Variants in WWOX observed in about 807,000 individuals in gnomAD.
The protein encoded by WWOX is WW domain containing oxidoreductase.
Under a neutral mutation model 46.2 loss-of-function variants are expected in WWOX, and 69 were observed. The ratio of observed to expected loss-of-function variants is 1.49; its 90% CI spans 1.23 to 1.82. WWOX has a LOEUF of 1.82. Among genes scored for constraint, WWOX ranks in the 40% most tolerant of loss-of-function variants. The pLI, the probability that WWOX is intolerant of heterozygous loss-of-function variation, is 0.00. For missense variants in WWOX, 919 were observed against 542.6 expected (o/e 1.69, Z -6.89); for synonymous variants, 359 against 202.6 (o/e 1.77, Z -6.56).
intron 5 of WWOX, among the ~76,000 whole-genome samples, chr16:78,232,944 C>G (rs1023697138): frequency 1.3e-5 from 2 of 152,052 alleles, no homozygotes; most frequent in East Asian, 3.9e-4. Context: ...TGGGTTCAAG[C>G]AATTCTCCTG....
rs193160203 is a variant in WWOX at position 78,507,840 on chromosome 16, C to T, written c.1056+75088C>T. 4.6e-5 allele frequency among the ~76,000 whole-genome samples: 7 copies of T among 152,292 alleles called. No homozygotes were observed. In the East Asian group the frequency reaches 1.4e-3, roughly 29 times the overall value. On this transcript the variant is annotated intron_variant, in intron 8 of 8. Transcript: ENST00000566780. ...TCCTCCGAATTCGCACCTGTTCAGA[C>T]AAGCTTGTCCAACCCATGGCCCCCG...
At chr16:78,900,936 C>G (rs1220207933) in intron 8 of WWOX, among the ~76,000 whole-genome samples, 1 of 151,790 alleles carries the variant, frequency 6.6e-6, no homozygotes, top group Non-Finnish European at 1.5e-5. Context: ...GTTCTATTCC[C>G]AAGAAGAGCA....
chr16:78,488,278 AT>A (rs2084689191), intron 8 of WWOX, among the ~76,000 whole-genome samples: 1 of 152,118 alleles, frequency 6.6e-6, no homozygotes, highest in South Asian at 2.1e-4. Flanking sequence ...TTTCAGGATT[AT>A]TCTGTGAGTC....
chr16:78,818,818 G>A (rs2051415479), intron 8 of WWOX, among the ~76,000 whole-genome samples: 1 of 152,170 alleles, frequency 6.6e-6, no homozygotes, highest in African/African-American at 2.4e-5. Context: ...AATTCCAAAG[G>A]TTGCTTTTAA....
intron 8 of WWOX, among the ~76,000 whole-genome samples, chr16:78,787,948 T>C (rs1048736438): frequency 1.3e-5 from 2 of 152,226 alleles, no homozygotes; most frequent in East Asian, 1.9e-4. Flanking sequence ...TTTTTTAAAA[T>C]AGAAATGTTG....
intron 5 of WWOX, among the ~76,000 whole-genome samples, chr16:78,352,890 A>G (rs12449092): frequency 6.6e-6 from 1 of 151,972 alleles, no homozygotes; most frequent in Non-Finnish European, 1.5e-5. Context: ...AAGAAACTGG[A>G]TAGGAGTATA....
intron 8 of WWOX, among the ~76,000 whole-genome samples, chr16:79,159,973 G>T (rs1204332501): frequency 1.4e-5 from 2 of 145,170 alleles, no homozygotes; most frequent in South Asian, 2.1e-4. Context: ...CATACCTAGG[G>T]GGCTTTGGGA....
At chr16:78,164,992 G>A (rs2034924975) in intron 5 of WWOX, among the ~76,000 whole-genome samples, 1 of 152,212 alleles carries the variant, frequency 6.6e-6, no homozygotes, top group Admixed American at 6.5e-5. Flanking sequence ...GTCAAGAGAA[G>A]TATTCTCTTA....
At chr16:79,056,651 AC>A (rs1301356400) in intron 8 of WWOX, among the ~76,000 whole-genome samples, 1 of 152,124 alleles carries the variant, frequency 6.6e-6, no homozygotes. Context: ...CCCTCTTGTC[AC>A]AAACACAAAT....
intron 8 of WWOX, among the ~76,000 whole-genome samples, chr16:79,150,350 C>G (rs1007957741): frequency 6.6e-6 from 1 of 152,124 alleles, no homozygotes; most frequent in African/African-American, 2.4e-5. Flanking sequence ...GGAGATAAAG[C>G]CCTGTTAATA....
intron 8 of WWOX, among the ~76,000 whole-genome samples, chr16:78,842,970 G>A (rs11863409): frequency 0.026 from 3,905 of 150,256 alleles, 224 homozygotes; most frequent in African/African-American, 0.089. Context: ...GCACCCACAG[G>A]CACGCTTCAC....
chr16:78,281,389 A>C (rs2079675637), intron 5 of WWOX, among the ~76,000 whole-genome samples: 1 of 152,204 alleles, frequency 6.6e-6, no homozygotes, highest in South Asian at 2.1e-4. Context: ...TCTGGGAAGG[A>C]CTAAGAATAG....
At chr16:78,129,218 A>C (rs2033489143) in intron 4 of WWOX, among the ~76,000 whole-genome samples, 1 of 152,084 alleles carries the variant, frequency 6.6e-6, no homozygotes, top group South Asian at 2.1e-4. Context: ...GGATTTGGGA[A>C]AGCTAGTCTT....
intron 8 of WWOX, among the ~76,000 whole-genome samples, chr16:78,716,782 AG>A (rs1042174842): frequency 4.6e-5 from 7 of 152,140 alleles, no homozygotes; most frequent in African/African-American, 1.7e-4. Flanking sequence ...ATAGTCCTGG[AG>A]AAACGTGGCC....
intron 5 of WWOX, among the ~76,000 whole-genome samples, chr16:78,326,478 G>C (rs2080618741): frequency 6.7e-6 from 1 of 149,476 alleles, no homozygotes; most frequent in Non-Finnish European, 1.5e-5. Context: ...CCTAGTAAAG[G>C]AATGTAAATA....
intron 8 of WWOX, among the ~76,000 whole-genome samples, chr16:78,639,084 T>G (rs2042431): frequency 6.6e-5 from 10 of 152,094 alleles, no homozygotes; most frequent in Non-Finnish European, 1.2e-4. Context: ...AAGCTGGGCC[T>G]AAAAGACCAG....
chr16:78,770,148 C>A (rs368056234), intron 8 of WWOX, among the ~76,000 whole-genome samples: 6 of 152,040 alleles, frequency 3.9e-5, no homozygotes, highest in Non-Finnish European at 2.9e-5. Context: ...GTCAGGAGTT[C>A]GAGACCAGCC....
intron 5 of WWOX, among the ~76,000 whole-genome samples, chr16:78,277,258 A>C (rs929598594): frequency 6.6e-6 from 1 of 152,220 alleles, no homozygotes; most frequent in Non-Finnish European, 1.5e-5. Context: ...CTTGTTGAAT[A>C]GCCGTGTTTC....
At chr16:78,112,968 A>C (rs1054476626) in intron 3 of WWOX, among the ~76,000 whole-genome samples, 2 of 152,140 alleles carry the variant, frequency 1.3e-5, no homozygotes, top group African/African-American at 4.8e-5. Flanking sequence ...GACTTCCCAA[A>C]GCATTCATAT....
Sources: gnomAD v4.1 joint callset for allele counts (sites outside exome capture counted in the v4.1 genomes callset) on GRCh38, gnomAD v4.1.1 for gene constraint, MANE v1.5 for transcripts, NCBI Gene and HGNC (gene_info 2026-07-23, HGNC 2026-07-21) for gene names.